The following MAP3K15 variants were observed in gnomAD, a reference collection of about 807,000 sequenced individuals.
MAP3K15 encodes mitogen-activated protein kinase kinase kinase 15.
Under a neutral mutation model 99.5 loss-of-function variants are expected in MAP3K15, and 124 were observed. The observed-to-expected ratio is 1.25, with a 90% CI of 1.08 to 1.45. MAP3K15 has a LOEUF of 1.45. Ranked by LOEUF, MAP3K15 falls within the 40% of genes most tolerant of loss-of-function variation. The pLI is 0.00. For synonymous variants in MAP3K15, 494 were observed against 439.6 expected (o/e 1.12, Z -1.55); for missense variants, 1,242 against 1,079.7 (o/e 1.15, Z -2.11).
At chrX:19,439,199 C>T (rs1459538949) in intron 6 of MAP3K15, among the ~76,000 whole-genome samples, 1 of 111,306 alleles carries the variant, frequency 9.0e-6, no homozygotes, top group East Asian at 2.8e-4. Context: ...CTGCCTGCTC[C>T]GCCTTCACCT....
rs1190655980 is a variant in MAP3K15, at chrX:19,515,043, G to A, written c.219C>T (p.Gly73=). 1 of 1,019,144 alleles carries A rather than the reference G, an allele frequency of 9.8e-7. No individual in the cohort carries two copies. Among genetic ancestry groups the A allele is most frequent in the East Asian group, 4.1e-5 (1 of 24,491 alleles). The allele number at this position is 1,019,144 out of a possible 1,213,427, so 84.0% of individuals were successfully genotyped here. ...CAGCCTCCGGGCCGCCGGCCGCGCC[G>A]CCCTGGGAGCTCTCACTGCGCACGT... ...AVYVRSESSQ[G]GAAGGPEAGA... Residue 73 remains glycine (G), a synonymous_variant, in exon 1 of 29, where the codon GGC becomes GGT. Transcript: ENST00000338883.
rs1202276196 is a variant in MAP3K15 at position 19,373,572 on chromosome X, G to A, written c.2897C>T (p.Thr966Ile). Residue 966 changes from threonine to isoleucine, a missense_variant, in exon 21 of 29, where the codon ACC becomes ATC. Coordinates refer to ENST00000338883, the MANE Select transcript of MAP3K15 (RefSeq NM_001001671.4). ...GCCAAGGTGGTGCCTGGGCGCCCGG[G>A]TCCTCTCAAAGAGTGCGTCAGGCTG... The part of the protein sequence containing the change: ...DAQPDALFER[T>I]RAPRHHLGHL... The A allele has an allele frequency of 5.9e-6, 7 of 1,176,713 alleles. No individual in the cohort carries two copies. The highest frequency in any genetic ancestry group is 2.5e-5 in the Admixed American group (1 of 39,523).
At chrX:19,477,880 GGAGAGA>G (rs759246189) in intron 3 of MAP3K15, among the ~76,000 whole-genome samples, 18 of 330 alleles carry the variant, frequency 0.055, 1 homozygote, top group African/African-American at 0.16. Flanking sequence ...GGAAGGACAG[GGAGAGA>G]GAGAGAGAGA....
At chrX:19,398,063 CAAAAAA>C (rs147279112) in intron 15 of MAP3K15, among the ~76,000 whole-genome samples, 157 bp downstream of exon 15, 3 of 50,243 alleles carry the variant, frequency 6.0e-5, no homozygotes, top group Non-Finnish European at 1.3e-4. Flanking sequence ...GACTCCGTTT[CAAAAAA>C]AAAAAAAAAA....
At chrX:19,365,611 A>G (rs180783564) in intron 25 of MAP3K15, among the ~76,000 whole-genome samples, 33 of 112,701 alleles carry the variant, frequency 2.9e-4, no homozygotes, top group South Asian at 1.8e-3. Flanking sequence ...GTTTGCTTAC[A>G]TACCTAGTAC....
chrX:19,502,288 C>T (rs998983240), intron 1 of MAP3K15, among the ~76,000 whole-genome samples: 5 of 110,678 alleles, frequency 4.5e-5, no homozygotes, highest in South Asian at 3.9e-4. Flanking sequence ...ATAATCCCTA[C>T]GTGTGGAGGG....
intron 1 of MAP3K15, among the ~76,000 whole-genome samples, chrX:19,495,547 C>A (rs1219568325): frequency 9.1e-6 from 1 of 110,363 alleles, no homozygotes; most frequent in Admixed American, 9.8e-5. Context: ...GAAAGTAAAT[C>A]TTTTGTTTTT....
intron 1 of MAP3K15, among the ~76,000 whole-genome samples, chrX:19,506,222 C>T (rs1035209835): frequency 6.3e-5 from 7 of 111,806 alleles, no homozygotes; most frequent in African/African-American, 1.6e-4. Context: ...GCATGAACCA[C>T]GGCGTCCGGC....
chrX:19,372,761 C>G lies in MAP3K15; in HGVS notation c.3000G>C (p.Gln1000His). The G allele has an allele frequency of 8.3e-7, 1 of 1,211,869 alleles. No individual in the cohort carries two copies. Among genetic ancestry groups the G allele is most frequent in the Non-Finnish European group, 1.1e-6 (1 of 895,421 alleles). ...TGTCCTTGCGTAGCAGGAAGAGGCC[C>G]TGGTCCCTGTCCTCCGGGGACGAGG... ...GLASSPEDRD[Q>H]GLFLLRKDSE... is the part of the protein sequence containing the mutation. The change falls in exon 22 of 29, where the codon CAG becomes CAC. Residue 1000 changes from glutamine to histidine, a missense_variant. Gln to His is a conservative substitution (Grantham distance 24). Transcript: ENST00000338883.
At chrX:19,431,334 C>A (rs893481326) in intron 7 of MAP3K15, 104 bp downstream of exon 7, 30 of 764,938 alleles carry the variant, frequency 3.9e-5, no homozygotes, top group Non-Finnish European at 5.3e-5. Context: ...TTGCTCCCTG[C>A]CAACAGACAG....
chrX:19,460,815 C>T (rs2064127805), intron 4 of MAP3K15, among the ~76,000 whole-genome samples: 1 of 108,478 alleles, frequency 9.2e-6, no homozygotes, highest in South Asian at 4.0e-4. Flanking sequence ...CCCTCTGTTG[C>T]CCAGGCTGGA....
chrX:19,403,225 C>T (rs1197908939), intron 13 of MAP3K15, among the ~76,000 whole-genome samples: 3 of 110,346 alleles, frequency 2.7e-5, no homozygotes, highest in Admixed American at 9.7e-5. Flanking sequence ...CTTGTTTATA[C>T]GTTACACATC....
rs1569210452 is a variant in MAP3K15 at position 19,398,312 on chromosome X, T to C, written c.1980A>G (p.Lys660=). ...CAGCATACACAATCCCATACGTGCCTTTCCCCAAGACAACTCTCTCACCAT... is the reference window on the plus strand; with the variant it reads ...CAGCATACACAATCCCATACGTGCCCTTCCCCAAGACAACTCTCTCACCAT... ...DANGERVVLG[K]GTYGIVYAGR... The change falls in exon 15 of 29, where the codon AAA becomes AAG. Residue 660 remains lysine (K), a synonymous_variant. Coordinates refer to ENST00000338883, the MANE Select transcript of MAP3K15 (RefSeq NM_001001671.4). 3.3e-6 allele frequency: 4 copies of C among 1,209,073 alleles called. No homozygotes were observed. The highest frequency in any genetic ancestry group is 1.8e-5 in the African/African-American group (1 of 56,957).
At chrX:19,402,543 C>A (rs2063616347) in intron 13 of MAP3K15, among the ~76,000 whole-genome samples, 1 of 111,667 alleles carries the variant, frequency 9.0e-6, no homozygotes, top group Non-Finnish European at 1.9e-5. Flanking sequence ...TCATTTTCTT[C>A]ATAATAACCC....
rs755428959 is a variant in MAP3K15, at chrX:19,413,416, T to C, written c.1639A>G (p.Ile547Val). 8.3e-7 allele frequency: 1 copy of C among 1,207,170 alleles called. No individual in the cohort carries two copies. The highest frequency in any genetic ancestry group is 1.8e-5 in the African/African-American group (1 of 56,913). The change falls in exon 11 of 29, where the codon ATA becomes GTA. Residue 547 changes from isoleucine to valine, a missense_variant. Coordinates refer to ENST00000338883, the MANE Select transcript of MAP3K15 (RefSeq NM_001001671.4). The stretch of plus-strand genomic sequence containing the variant: ...GTTCTCTCCTCGGCTTCATTGTTTA[T>C]GGAAACATAAGAAGGCTGGTACACT... ...TKVYQPSYVS[I>V]NNEAEERTVS...
At chrX:19,477,260 T>C (rs1475314684) in intron 3 of MAP3K15, among the ~76,000 whole-genome samples, 1 of 111,442 alleles carries the variant, frequency 9.0e-6, no homozygotes, top group Non-Finnish European at 1.9e-5. Context: ...AGAAAAGTTT[T>C]ATGGTTCACA....
At chrX:19,369,470 C>T (rs999319533) in intron 24 of MAP3K15, among the ~76,000 whole-genome samples, 1 of 111,970 alleles carries the variant, frequency 8.9e-6, no homozygotes, top group Non-Finnish European at 1.9e-5. Context: ...CCAAGGCCAG[C>T]GTTCAAAAGG....
intron 7 of MAP3K15, among the ~76,000 whole-genome samples, chrX:19,428,234 T>C (rs967395886): frequency 2.7e-5 from 3 of 111,772 alleles, no homozygotes; most frequent in African/African-American, 9.8e-5. Flanking sequence ...CACCACGCCC[T>C]GAGCAGAAGA....
intron 13 of MAP3K15, 60 bp downstream of exon 13, chrX:19,407,128 G>T: frequency 1.6e-6 from 1 of 635,841 alleles, no homozygotes; most frequent in Non-Finnish European, 2.4e-6. Context: ...CAGAACAAAG[G>T]CCCTTTAAAA....
Sources: allele counts gnomAD v4.1 joint callset (sites outside exome capture counted in the v4.1 genomes callset), GRCh38; gene constraint gnomAD v4.1.1; transcripts MANE v1.5; gene names NCBI Gene and HGNC (gene_info 2026-07-23, HGNC 2026-07-21).